Variants in KIF2A observed in about 807,000 individuals in gnomAD.
KIF2A encodes the protein kinesin-like protein KIF2A.
A neutral mutation model predicts 100.2 loss-of-function variants in KIF2A; 22 were observed. The observed-to-expected ratio is 0.22, with a 90% CI of 0.16 to 0.31. KIF2A has a LOEUF of 0.31. Ranked by LOEUF, KIF2A falls within the 10% of genes least tolerant of loss-of-function variation. The pLI is 1.00. For missense variants in KIF2A, 495 were observed against 898.7 expected (o/e 0.55, Z 5.74); for synonymous variants, 268 against 285.9 (o/e 0.94, Z 0.63).
intron 3 of KIF2A, among the ~76,000 whole-genome samples, chr5:62,348,789 A>G (rs577888562): frequency 6.6e-6 from 1 of 152,212 alleles, no homozygotes; most frequent in Non-Finnish European, 1.5e-5. Context: ...TAGTATTGCA[A>G]AGTTGTTGAA....
At chr5:62,312,279 A>C (rs1442193029) in intron 1 of KIF2A, among the ~76,000 whole-genome samples, 3 of 152,192 alleles carry the variant, frequency 2.0e-5, no homozygotes, top group African/African-American at 7.2e-5. Context: ...ATGTGTCATG[A>C]TTGTTAAAAT....
intron 9 of KIF2A, among the ~76,000 whole-genome samples, chr5:62,360,262 T>G (rs1272744681): frequency 4.6e-5 from 7 of 150,760 alleles, no homozygotes; most frequent in South Asian, 2.2e-4. Context: ...AGTGTTGGGA[T>G]TACAGGCATG....
At chr5:62,334,005 C>G (rs2099238996) in intron 1 of KIF2A, among the ~76,000 whole-genome samples, 1 of 152,110 alleles carries the variant, frequency 6.6e-6, no homozygotes, top group Non-Finnish European at 1.5e-5. Context: ...TGTCGTCACC[C>G]TCCTCCTGAC....
Position 62,372,439 on chromosome 5 carries a change from G to A in KIF2A, c.1648G>A (p.Val550Ile). 6.3e-7 allele frequency: 1 copy of A among 1,579,784 alleles called. No homozygotes were observed. The highest frequency in any genetic ancestry group is 8.7e-7 in the Non-Finnish European group (1 of 1,149,802). Residue 550 changes from valine to isoleucine, a missense_variant and splice_region_variant, in exon 17 of 21, where the codon GTA becomes ATA. Val to Ile is a conservative substitution (Grantham distance 29). This residue lies in a region of KIF2A where 100 missense variants were observed against 138.2 expected (regional missense o/e 0.72). Coordinates refer to ENST00000407818, the MANE Select transcript of KIF2A (RefSeq NM_001098511.3). ...TTTGTTGCTCTTTTGGTGCTGCAGAGTAAAGGAGTTTGGAATTAGTCCATC... is the reference window on the plus strand; with the variant it reads ...TTTGTTGCTCTTTTGGTGCTGCAGAATAAAGGAGTTTGGAATTAGTCCATC... ...TLNTLRYANR[V>I]KEFGISPSDI... is the part of the protein sequence containing the mutation.
chr5:62,356,012 C>T (rs1049406252), intron 7 of KIF2A, among the ~76,000 whole-genome samples: 1 of 151,964 alleles, frequency 6.6e-6, no homozygotes, highest in Non-Finnish European at 1.5e-5. Context: ...AACTCCTGAC[C>T]TCAGGTGATC....
At chr5:62,342,381 A>T (rs949111776) in intron 1 of KIF2A, among the ~76,000 whole-genome samples, 7 of 152,202 alleles carry the variant, frequency 4.6e-5, no homozygotes, top group Admixed American at 1.3e-4. Flanking sequence ...TGTGGCAGCC[A>T]TGCAGGTGCA....
At chr5:62,359,639 T>C (rs538708426) in intron 9 of KIF2A, among the ~76,000 whole-genome samples, 16 of 152,210 alleles carry the variant, frequency 1.1e-4, no homozygotes, top group African/African-American at 2.9e-4. Context: ...AGTTTGACTT[T>C]TATAATAGTT....
At chr5:62,321,929 CT>C (rs1169550542) in intron 1 of KIF2A, among the ~76,000 whole-genome samples, 3 of 151,278 alleles carry the variant, frequency 2.0e-5, no homozygotes, top group South Asian at 4.2e-4. Flanking sequence ...TATGTTTTCT[CT>C]TTTTTTTTGA....
intron 1 of KIF2A, among the ~76,000 whole-genome samples, chr5:62,310,687 G>A (rs1033354962): frequency 6.6e-6 from 1 of 152,140 alleles, no homozygotes; most frequent in East Asian, 1.9e-4. Flanking sequence ...TCAGTGACAG[G>A]GGTTAGGCTT....
chr5:62,307,900 G>A (rs1263860994), intron 1 of KIF2A, among the ~76,000 whole-genome samples: 1 of 152,162 alleles, frequency 6.6e-6, no homozygotes, highest in Non-Finnish European at 1.5e-5. Context: ...TTACAGGCGT[G>A]AGCCATCGCG....
chr5:62,361,108 A>ATTTTT, intron 9 of KIF2A, 134 bp from the exon 10 acceptor site: 1 of 507,156 alleles, frequency 2.0e-6, no homozygotes, highest in East Asian at 3.1e-5. Flanking sequence ...GTTATTTAAA[A>ATTTTT]TTTTTAACAA....
Position 62,351,889 on chromosome 5 carries a change from C to CA in KIF2A, c.335-698dup, listed in dbSNP as rs945696583. Reference sequence around the variant, plus strand: ...TTATATTTTGCCGGGTGTGGTGGCTCACGCCTTTAATCCCAGCACACTGGG... The same window carrying CA: ...TTATATTTTGCCGGGTGTGGTGGCTCAACGCCTTTAATCCCAGCACACTGGG... On this transcript the variant is annotated intron_variant, in intron 4 of 20. Transcript: ENST00000407818. Among the ~76,000 whole-genome samples the CA allele has an allele frequency of 1.3e-4, 20 of 152,196 alleles. 1 individual carries two copies. The highest frequency in any genetic ancestry group is 1.2e-3 in the Admixed American group (18 of 15,286).
chr5:62,310,087 T>TTTTTA (rs1554038078), intron 1 of KIF2A, among the ~76,000 whole-genome samples: 3 of 150,908 alleles, frequency 2.0e-5, no homozygotes, highest in African/African-American at 7.3e-5. Flanking sequence ...TTTTTTTTTT[T>TTTTTA]GAGACAGAGT....
intron 4 of KIF2A, 33 bp downstream of exon 4, chr5:62,350,153 A>C: frequency 1.6e-6 from 2 of 1,289,468 alleles, no homozygotes; most frequent in Non-Finnish European, 2.2e-6. Flanking sequence ...AATTTTGGCT[A>C]TTGACTTCTT....
In KIF2A at chr5:62,388,099, C is replaced by G. The variant is rs1742124295; in HGVS notation, c.*2530C>G. 6.6e-6 allele frequency: 1 copy of G among 152,000 alleles called. No individual in the cohort carries two copies. The highest frequency in any genetic ancestry group is 6.6e-5 in the Admixed American group (1 of 15,256). The allele number at this position is 152,000 out of a possible 1,614,324, so 9.4% of individuals were successfully genotyped here. A position where few individuals can be genotyped will look rare whatever the true frequency, so the allele number is the denominator to read the frequency against. Reference sequence around the variant, plus strand: ...TATGACATCTATTGAAATTCTCAGTCTGACAGTTTTAAAATAGCTTAAAAC... The same window carrying G: ...TATGACATCTATTGAAATTCTCAGTGTGACAGTTTTAAAATAGCTTAAAAC... On this transcript the variant is annotated 3_prime_UTR_variant, in exon 21 of 21. Transcript: ENST00000407818.
At chr5:62,368,668 T>C (rs972429632) in intron 16 of KIF2A, among the ~76,000 whole-genome samples, 1 of 151,916 alleles carries the variant, frequency 6.6e-6, no homozygotes, top group Non-Finnish European at 1.5e-5. Flanking sequence ...TCCCAGCCAC[T>C]TGGGGGGCTG....
chr5:62,331,811 C>T (rs1022217731), intron 1 of KIF2A, among the ~76,000 whole-genome samples: 3 of 147,296 alleles, frequency 2.0e-5, no homozygotes, highest in African/African-American at 7.5e-5. Context: ...ATGTCAGAAA[C>T]AGCTGCAACC....
At chr5:62,335,951 A>G (rs891207894) in intron 1 of KIF2A, among the ~76,000 whole-genome samples, 1 of 152,238 alleles carries the variant, frequency 6.6e-6, no homozygotes, top group Non-Finnish European at 1.5e-5. Context: ...TTATATAACA[A>G]TGTAAACTTA....
rs150192070 is a variant in KIF2A, at chr5:62,347,168, G to A, written c.103G>A (p.Asp35Asn). Residue 35 changes from aspartate (D) to asparagine (N), a missense_variant, in exon 2 of 21, where the codon GAT becomes AAT. Physicochemically the swap from Asp to Asn is conservative, Grantham distance 23. Coordinates refer to ENST00000407818, the MANE Select transcript of KIF2A (RefSeq NM_001098511.3). ...AGCAATGGTAACATCTTTAAATGAA[G>A]ATAATGAAAGTGTAACTGTTGAATG... ...HQAMVTSLNEDNESVTVEWIE... is the reference protein window; with the variant it reads ...HQAMVTSLNENNESVTVEWIE... 28 of 1,604,216 alleles carry A rather than the reference G, an allele frequency of 1.7e-5. No individual in the cohort carries two copies. Among genetic ancestry groups the A allele is most frequent in the Non-Finnish European group, 2.3e-5 (27 of 1,174,028 alleles).
Sources: allele counts gnomAD v4.1 joint callset (sites outside exome capture counted in the v4.1 genomes callset), GRCh38; gene constraint gnomAD v4.1.1; regional missense constraint gnomAD v4.1.1; transcripts MANE v1.5; gene names NCBI Gene and HGNC (gene_info 2026-07-23, HGNC 2026-07-21).